RIMKLB: variants seen among roughly 807,000 people sequenced by gnomAD.
The protein encoded by RIMKLB is ribosomal modification protein rimK like family member B.
Under a neutral mutation model 32.0 loss-of-function variants are expected in RIMKLB, and 7 were observed. The ratio of observed to expected loss-of-function variants is 0.22; its 90% CI spans 0.12 to 0.41. The LOEUF (loss-of-function observed/expected upper bound fraction) is 0.41. Among genes scored for constraint, RIMKLB ranks in the 10% least tolerant of loss-of-function variants. The pLI is 1.00. For missense variants in RIMKLB, 289 were observed against 498.7 expected, an observed-to-expected ratio of 0.58 and a Z score of 4.00; for synonymous variants, 172 against 185.1, an observed-to-expected ratio of 0.93 and a Z score of 0.57.
chr12:8,680,252 C>T (rs947313360), upstream of RIMKLB, among the ~76,000 whole-genome samples: 4 of 152,310 alleles, frequency 2.6e-5, no homozygotes, highest in East Asian at 7.7e-4. Flanking sequence ...GCCTCCCAGG[C>T]TCACGCCGTT....
At chr12:8,762,333 A>T (rs56113263) in intron 5 of RIMKLB, among the ~76,000 whole-genome samples, 4,997 of 152,198 alleles carry the variant, frequency 0.033, 255 homozygotes, top group African/African-American at 0.11. Context: ...GAGGTTCCCC[A>T]TTCTATTTCT....
At chr12:8,761,713 C>T (rs1949537930) in intron 5 of RIMKLB, among the ~76,000 whole-genome samples, 1 of 152,138 alleles carries the variant, frequency 6.6e-6, no homozygotes, top group African/African-American at 2.4e-5. Flanking sequence ...TCTTAGTTGG[C>T]CTAGGAAATC....
chr12:8,764,463 C>G (rs931820512), intron 5 of RIMKLB, among the ~76,000 whole-genome samples: 1 of 152,186 alleles, frequency 6.6e-6, no homozygotes, highest in African/African-American at 2.4e-5. Context: ...TCTCCAGTCA[C>G]AACTTAGTGG....
intron 5 of RIMKLB, among the ~76,000 whole-genome samples, chr12:8,756,193 C>A (rs1419369235): frequency 6.6e-6 from 1 of 151,406 alleles, no homozygotes; most frequent in Admixed American, 6.6e-5. Context: ...TCATGGCATG[C>A]ACCTGTGGTC....
chr12:8,684,437 T>C (rs1942506793), intron 1 of RIMKLB, among the ~76,000 whole-genome samples: 1 of 151,758 alleles, frequency 6.6e-6, no homozygotes, highest in Non-Finnish European at 1.5e-5. Flanking sequence ...CCTCCCAAAG[T>C]GTTGGGATTA....
chr12:8,720,452 C>A lies in RIMKLB; in HGVS notation c.175+6411C>A, dbSNP rs188142018. On this transcript the variant is annotated intron_variant, in intron 2 of 5. Transcript: ENST00000535829. ...ATAAAGGGTCTCTGTTCACATGGAGCTCAGGAGTCTAGTAGAATTAAAGAC... is the reference window on the plus strand; with the variant it reads ...ATAAAGGGTCTCTGTTCACATGGAGATCAGGAGTCTAGTAGAATTAAAGAC... Among the ~76,000 whole-genome samples the A allele has an allele frequency of 3.3e-3, 497 of 152,260 alleles. 4 individuals carry two copies. Among genetic ancestry groups the A allele is most frequent in the Non-Finnish European group, 3.2e-3 (220 of 68,016 alleles).
chr12:8,758,830 A>G (rs1388909108), intron 5 of RIMKLB, among the ~76,000 whole-genome samples: 3 of 152,136 alleles, frequency 2.0e-5, no homozygotes, highest in Non-Finnish European at 2.9e-5. Context: ...CCATATGTGC[A>G]TTGGTCTATT....
At chr12:8,761,188 A>G (rs905626169) in intron 5 of RIMKLB, among the ~76,000 whole-genome samples, 4 of 151,782 alleles carry the variant, frequency 2.6e-5, no homozygotes, top group Admixed American at 2.6e-4. Flanking sequence ...TACAAAAAAT[A>G]CAAAAATTAG....
chr12:8,729,656 C>T (rs961725725), intron 2 of RIMKLB, among the ~76,000 whole-genome samples: 2 of 152,060 alleles, frequency 1.3e-5, no homozygotes, highest in African/African-American at 4.8e-5. Flanking sequence ...GAGGGTTGGG[C>T]CCTCACCAGG....
intron 1 of RIMKLB, among the ~76,000 whole-genome samples, chr12:8,709,474 C>T (rs779460913): frequency 2.5e-4 from 38 of 152,382 alleles, no homozygotes; most frequent in Admixed American, 7.8e-4. Flanking sequence ...CAGGCAGGCA[C>T]GCCTGGAGCC....
intron 1 of RIMKLB, among the ~76,000 whole-genome samples, chr12:8,701,952 G>A (rs774067929): frequency 2.4e-4 from 36 of 151,566 alleles, no homozygotes; most frequent in African/African-American, 8.2e-4. Flanking sequence ...GTTGCAGTGA[G>A]CTTAGACTGT....
chr12:8,780,323 C>G (rs935741665), downstream of RIMKLB: 1 of 152,114 alleles, frequency 6.6e-6, no homozygotes, highest in African/African-American at 2.4e-5. Context: ...GTGGCAGCTG[C>G]TGAGTGGCTA....
In RIMKLB at chr12:8,775,357, A is replaced by G; in HGVS notation, c.*1573A>G. 3.0e-6 allele frequency: 3 copies of G among 985,410 alleles called. No individual in the cohort carries two copies. The highest frequency in any genetic ancestry group is 3.6e-6 in the Non-Finnish European group (3 of 829,878). 61.0% of individuals were successfully genotyped at this position (985,410 alleles called of 1,614,324 possible). A position where few individuals can be genotyped will look rare whatever the true frequency, so the allele number is the denominator to read the frequency against. On this transcript the variant is annotated 3_prime_UTR_variant, in exon 6 of 6. Transcript: ENST00000535829. The stretch of plus-strand genomic sequence containing the variant: ...ATTTATAAAAGCCCCCAAACTGCAT[A>G]TAATATGAGCCTTTAAAACATGGGT...
intron 2 of RIMKLB, among the ~76,000 whole-genome samples, chr12:8,729,453 C>T (rs1946339598): frequency 6.6e-6 from 1 of 152,120 alleles, no homozygotes; most frequent in South Asian, 2.1e-4. Flanking sequence ...CTGCTTCTCT[C>T]TGATATCTAA....
intron 2 of RIMKLB, among the ~76,000 whole-genome samples, chr12:8,728,780 TG>T (rs1946267194): frequency 1.3e-5 from 2 of 151,386 alleles, no homozygotes; most frequent in African/African-American, 4.9e-5. Context: ...TGTGTGTGTG[TG>T]TGTGTGTTTT....
chr12:8,757,317 C>T (rs987916411), intron 5 of RIMKLB, among the ~76,000 whole-genome samples: 2 of 151,990 alleles, frequency 1.3e-5, no homozygotes, highest in Non-Finnish European at 2.9e-5. Context: ...GGCTTGAGCC[C>T]TGAGGTTTGA....
the RIMKLB span, among the ~76,000 whole-genome samples, chr12:8,676,012 A>G: frequency 3.3e-5 from 5 of 152,204 alleles, no homozygotes; most frequent in African/African-American, 1.2e-4. Context: ...GAAACATGCT[A>G]TAGCCATATG....
At chr12:8,717,850 G>GT (rs1048875531) in intron 2 of RIMKLB, among the ~76,000 whole-genome samples, 1 of 151,884 alleles carries the variant, frequency 6.6e-6, no homozygotes, top group Non-Finnish European at 1.5e-5. Flanking sequence ...AATCCTCCAA[G>GT]TTTTTTTTGT....
At chr12:8,719,814 C>A (rs1020820457) in intron 2 of RIMKLB, among the ~76,000 whole-genome samples, 3 of 152,194 alleles carry the variant, frequency 2.0e-5, no homozygotes, top group African/African-American at 7.2e-5. Flanking sequence ...AAATTGCATT[C>A]ATGAAATGCC....
Sources: gnomAD v4.1 joint callset for allele counts (sites outside exome capture counted in the v4.1 genomes callset) on GRCh38, gnomAD v4.1.1 for gene constraint, MANE v1.5 for transcripts, NCBI Gene and HGNC (gene_info 2026-07-23, HGNC 2026-07-21) for gene names.